Variants in GRIK1 observed in about 807,000 individuals in gnomAD.
GRIK1 encodes the protein glutamate receptor ionotropic, kainate 1.
Under a neutral mutation model 105.7 loss-of-function variants are expected in GRIK1, and 69 were observed. That is an observed-to-expected ratio of 0.65 (90% CI 0.54 to 0.80). The LOEUF is 0.80. Among genes scored for constraint, GRIK1 ranks in the 30% least tolerant of loss-of-function variants. The pLI is 0.00. For missense variants in GRIK1, 1,109 were observed against 1,167.3 expected (o/e 0.95, Z 0.73); for synonymous variants, 438 against 431.3 (o/e 1.02, Z -0.19).
intron 1 of GRIK1, among the ~76,000 whole-genome samples, chr21:29,873,342 T>C (rs1304674872): frequency 6.6e-6 from 1 of 152,186 alleles, no homozygotes; most frequent in Non-Finnish European, 1.5e-5. Context: ...ATAAAAGTAA[T>C]TGGGCATTTC....
intron 1 of GRIK1, among the ~76,000 whole-genome samples, chr21:29,853,497 C>T (rs1051375353): frequency 2.0e-5 from 3 of 152,154 alleles, no homozygotes; most frequent in African/African-American, 7.2e-5. Flanking sequence ...CTCTTGGGGG[C>T]AAAATTGCCT....
chr21:29,891,235 T>C (rs2832477), intron 1 of GRIK1, among the ~76,000 whole-genome samples: 12,666 of 152,170 alleles, frequency 0.083, 1,427 homozygotes, highest in African/African-American at 0.26. Context: ...CAAACACTTA[T>C]CTGTCATAAA....
At chr21:29,588,741 C>T (rs1427066224) in intron 11 of GRIK1, 98 bp downstream of exon 11, 18 of 750,498 alleles carry the variant, frequency 2.4e-5, no homozygotes, top group South Asian at 2.3e-4. Context: ...AAAATTGTTA[C>T]GATTCAAAAA....
chr21:29,868,277 G>A (rs567899754), intron 1 of GRIK1, among the ~76,000 whole-genome samples: 109 of 152,274 alleles, frequency 7.2e-4, no homozygotes, highest in Non-Finnish European at 1.4e-3. Context: ...GATGACAACT[G>A]TATACCAGGC....
intron 16 of GRIK1, chr21:29,553,100 T>G (rs2090162850): frequency 2.9e-6 from 1 of 339,590 alleles, no homozygotes; most frequent in South Asian, 1.2e-4. Context: ...GTAAGGGTTT[T>G]GGGTAGTTTG....
At chr21:29,831,452 T>G (rs1042254156) in intron 1 of GRIK1, among the ~76,000 whole-genome samples, 2 of 152,082 alleles carry the variant, frequency 1.3e-5, no homozygotes, top group African/African-American at 2.4e-5. Flanking sequence ...ACTGGGTAAT[T>G]TATAAAGAAA....
rs975031868 is a variant in GRIK1 at position 29,828,282 on chromosome 21, C to T, written c.118+111101G>A. 2.0e-5 allele frequency among the ~76,000 whole-genome samples: 3 copies of T among 152,042 alleles called. No individual in the cohort carries two copies. The South Asian group carries it at 6.2e-4, about 32-fold the overall frequency. Reference sequence around the variant, plus strand: ...GGCATGGTTTACTAGAAGTCACTTACATAACAGACTGCCACAAACCCTAAA... The same window carrying T: ...GGCATGGTTTACTAGAAGTCACTTATATAACAGACTGCCACAAACCCTAAA... On this transcript the variant is annotated intron_variant, in intron 1 of 17. Coordinates refer to ENST00000327783, the MANE Select transcript of GRIK1 (RefSeq NM_001330994.2).
At chr21:29,919,219 G>A (rs935153633) in intron 1 of GRIK1, among the ~76,000 whole-genome samples, 6 of 152,058 alleles carry the variant, frequency 3.9e-5, no homozygotes, top group Admixed American at 3.3e-4. Context: ...TCTTGCACTG[G>A]CCAAAAGCAA....
intron 1 of GRIK1, among the ~76,000 whole-genome samples, chr21:29,842,886 C>G (rs1304227718): frequency 1.3e-5 from 2 of 152,162 alleles, no homozygotes; most frequent in African/African-American, 4.8e-5. Flanking sequence ...GGCTTCCTTT[C>G]CAGAGATCAT....
intron 1 of GRIK1, among the ~76,000 whole-genome samples, chr21:29,741,439 C>T (rs1329833546): frequency 6.6e-6 from 1 of 151,968 alleles, no homozygotes; most frequent in Non-Finnish European, 1.5e-5. Flanking sequence ...TGGTGGGGGG[C>T]ATTTCTGAAA....
intron 1 of GRIK1, among the ~76,000 whole-genome samples, chr21:29,738,198 T>C (rs1460946044): frequency 1.3e-5 from 2 of 152,266 alleles, no homozygotes; most frequent in Non-Finnish European, 2.9e-5. Context: ...GAAATTTTGC[T>C]GATAGTGACT....
chr21:29,674,073 T>G (rs34283560), intron 3 of GRIK1, among the ~76,000 whole-genome samples: 11 of 143,892 alleles, frequency 7.6e-5, no homozygotes, highest in Non-Finnish European at 1.4e-4. Flanking sequence ...TTTTTTTTTT[T>G]GTTGTTTTTT....
chr21:29,599,051 A>G (rs558311995), intron 7 of GRIK1, 114 bp from the exon 8 acceptor site: 1 of 599,312 alleles, frequency 1.7e-6, no homozygotes, highest in East Asian at 2.8e-5. Context: ...TGTTTTCATC[A>G]TGCTGTTATA....
At chr21:29,787,955 G>A (rs1003555489) in intron 1 of GRIK1, among the ~76,000 whole-genome samples, 4 of 152,032 alleles carry the variant, frequency 2.6e-5, no homozygotes, top group Non-Finnish European at 4.4e-5. Context: ...TCTTAGGCAC[G>A]GTCGAAGAAT....
intron 1 of GRIK1, among the ~76,000 whole-genome samples, chr21:29,759,448 C>G (rs1179457113): frequency 6.6e-6 from 1 of 152,164 alleles, no homozygotes; most frequent in African/African-American, 2.4e-5. Flanking sequence ...GCTATGTTTT[C>G]AAGGTTGTTG....
At chr21:29,830,541 A>G (rs1243580024) in intron 1 of GRIK1, among the ~76,000 whole-genome samples, 1 of 152,170 alleles carries the variant, frequency 6.6e-6, no homozygotes, top group Non-Finnish European at 1.5e-5. Flanking sequence ...TACTGGAAGT[A>G]GAGTGATGAG....
chr21:29,767,310 A>G (rs904865632), intron 1 of GRIK1, among the ~76,000 whole-genome samples: 2 of 152,218 alleles, frequency 1.3e-5, no homozygotes, highest in African/African-American at 2.4e-5. Context: ...ATTGTAGTAA[A>G]CAGAATTATT....
intron 1 of GRIK1, among the ~76,000 whole-genome samples, chr21:29,870,816 G>A (rs553750722): frequency 1.3e-5 from 2 of 152,056 alleles, no homozygotes; most frequent in East Asian, 3.9e-4. Context: ...TTCTTTAAAT[G>A]CTTCTTTGAC....
rs547657206 is a variant in GRIK1 at position 29,692,923 on chromosome 21, G to A, written c.286+973C>T. On this transcript the variant is annotated intron_variant, in intron 2 of 17. Transcript: ENST00000327783. ...CCTAAGAAAATAAGTTTTATATTTT[G>A]TTTGCAAAGAACACTAGAATTCTTG... Among the ~76,000 whole-genome samples, 13 of 152,334 alleles carry A rather than the reference G, an allele frequency of 8.5e-5. No homozygotes were observed. The South Asian group carries it at 2.5e-3, about 29-fold the overall frequency.
Sources: gnomAD v4.1 joint callset for allele counts (sites outside exome capture counted in the v4.1 genomes callset) on GRCh38, gnomAD v4.1.1 for gene constraint, MANE v1.5 for transcripts, NCBI Gene and HGNC (gene_info 2026-07-23, HGNC 2026-07-21) for gene names.